The following LRRCC1 variants were observed in gnomAD, a reference collection of about 807,000 sequenced individuals.
LRRCC1 encodes leucine rich repeat and coiled-coil centrosomal protein 1, also known as leucine-rich repeat and coiled-coil domain-containing protein 1.
In LRRCC1, 115 loss-of-function variants were observed where a neutral mutation model predicts 126.0. The observed-to-expected ratio is 0.91, with a 90% CI of 0.78 to 1.07. LRRCC1 has a LOEUF of 1.07. Among genes scored for constraint, LRRCC1 ranks in the 50% least tolerant of loss-of-function variants. LRRCC1 has a pLI of 0.00. For missense variants in LRRCC1, 1,172 were observed against 1,175.7 expected, an observed-to-expected ratio of 1.00 and a Z score of 0.05; for synonymous variants, 400 against 393.4, an observed-to-expected ratio of 1.02 and a Z score of -0.20.
At chr8:85,118,456 T>C (rs1212024168) in intron 6 of LRRCC1, among the ~76,000 whole-genome samples, 1 of 152,086 alleles carries the variant, frequency 6.6e-6, no homozygotes, top group Non-Finnish European at 1.5e-5. Context: ...AATTGATACC[T>C]TTTTTCAAAG....
intron 11 of LRRCC1, among the ~76,000 whole-genome samples, chr8:85,130,717 T>G (rs1212656548): frequency 6.6e-6 from 1 of 152,232 alleles, no homozygotes; most frequent in Non-Finnish European, 1.5e-5. Context: ...ATTAGTAAAT[T>G]AATCAGTATT....
rs550628816 is a variant in LRRCC1, at chr8:85,130,989, A to G, written c.1767-771A>G. ...GTAATAATTTCAACATTTTCAGTTTATCTATTTCAGTTATCTATTTACTAT... is the reference window on the plus strand; with the variant it reads ...GTAATAATTTCAACATTTTCAGTTTGTCTATTTCAGTTATCTATTTACTAT... On this transcript the variant is annotated intron_variant, in intron 11 of 18. Transcript: ENST00000360375. 5.9e-5 allele frequency among the ~76,000 whole-genome samples: 9 copies of G among 152,330 alleles called. No homozygotes were observed. In the East Asian group the frequency reaches 1.7e-3, roughly 29 times the overall value.
At chr8:85,122,691 A>G (rs543607755) in intron 6 of LRRCC1, among the ~76,000 whole-genome samples, 1 of 152,142 alleles carries the variant, frequency 6.6e-6, no homozygotes, top group African/African-American at 2.4e-5. Flanking sequence ...TGCTTATTCA[A>G]ACGTTTGAGT....
chr8:85,120,979 G>C (rs952311485), intron 6 of LRRCC1, among the ~76,000 whole-genome samples: 1 of 152,160 alleles, frequency 6.6e-6, no homozygotes, highest in African/African-American at 2.4e-5. Flanking sequence ...AAGTAGAATT[G>C]CTGGGTCATA....
intron 8 of LRRCC1, among the ~76,000 whole-genome samples, chr8:85,125,692 G>T: frequency 1.4e-5 from 1 of 70,408 alleles, no homozygotes; most frequent in East Asian, 3.0e-4. Context: ...AAAAAAAAGA[G>T]GTGTTCAAAA....
intron 12 of LRRCC1, among the ~76,000 whole-genome samples, chr8:85,133,316 C>T (rs1167255387): frequency 6.6e-6 from 1 of 152,226 alleles, no homozygotes; most frequent in African/African-American, 2.4e-5. Flanking sequence ...CTTGGCTTTC[C>T]ATTACGTCAC....
At chr8:85,113,547 C>T (rs977603147) in intron 4 of LRRCC1, among the ~76,000 whole-genome samples, 2 of 151,926 alleles carry the variant, frequency 1.3e-5, no homozygotes, top group South Asian at 2.1e-4. Flanking sequence ...TACGTACATA[C>T]ATATATATGT....
intron 17 of LRRCC1, among the ~76,000 whole-genome samples, chr8:85,139,646 A>G (rs1193345286): frequency 6.6e-6 from 1 of 152,212 alleles, no homozygotes; most frequent in Non-Finnish European, 1.5e-5. Context: ...GCTCAAGAGG[A>G]AATAAGGTTT....
chr8:85,117,049 A>G (rs16913598), intron 6 of LRRCC1, among the ~76,000 whole-genome samples: 1 of 152,170 alleles, frequency 6.6e-6, no homozygotes, highest in Non-Finnish European at 1.5e-5. Flanking sequence ...TGACTCTTCT[A>G]CCAGTGAAAA....
At position 85,124,862 on chromosome 8, in the gene LRRCC1, A is replaced by G. The variant is rs1809848619; in HGVS notation, c.1195A>G (p.Met399Val). 2 of 1,605,344 alleles carry G rather than the reference A, an allele frequency of 1.2e-6. No homozygotes were observed. The highest frequency in any genetic ancestry group is 1.7e-6 in the Non-Finnish European group (2 of 1,173,862). The part of the protein sequence containing the change: ...YVSSSLANCP[M>V]LQESEKPKTE... Reference sequence around the variant, plus strand: ...AAGCTCATCTTTAGCAAACTGTCCTATGTTACAAGAATCAGAAAAGCCAAA... The same window carrying G: ...AAGCTCATCTTTAGCAAACTGTCCTGTGTTACAAGAATCAGAAAAGCCAAA... Residue 399 changes from methionine to valine, a missense_variant, in exon 8 of 19, where the codon ATG becomes GTG. Transcript: ENST00000360375.
At chr8:85,143,179 G>T (rs930441802) in intron 18 of LRRCC1, among the ~76,000 whole-genome samples, 23 of 152,080 alleles carry the variant, frequency 1.5e-4, no homozygotes, top group Admixed American at 5.2e-4. Flanking sequence ...ACAATTAGCT[G>T]GGCATGGTGG....
intron 17 of LRRCC1, among the ~76,000 whole-genome samples, chr8:85,141,047 C>T (rs1037985536): frequency 4.6e-5 from 7 of 152,038 alleles, no homozygotes; most frequent in Admixed American, 4.6e-4. Flanking sequence ...GCCTGAGTGA[C>T]ACAGCCAGAC....
intron 11 of LRRCC1, among the ~76,000 whole-genome samples, chr8:85,130,532 A>T (rs1363611296): frequency 6.6e-6 from 1 of 152,170 alleles, no homozygotes; most frequent in Non-Finnish European, 1.5e-5. Flanking sequence ...GTATGTATAC[A>T]TTAGAATCAG....
intron 18 of LRRCC1, among the ~76,000 whole-genome samples, chr8:85,144,296 G>C (rs1214043443): frequency 6.6e-6 from 1 of 151,786 alleles, no homozygotes; most frequent in Admixed American, 6.6e-5. Context: ...AGCAGTATAG[G>C]ACTGTAGACA....
chr8:85,132,082 T>C (rs1810512587), intron 12 of LRRCC1, 121 bp downstream of exon 12: 3 of 799,154 alleles, frequency 3.8e-6, no homozygotes, highest in Admixed American at 6.7e-5. Flanking sequence ...AAGTAAAATA[T>C]ATAAATTCTT....
chr8:85,112,310 A>C (rs1233644501), intron 3 of LRRCC1, among the ~76,000 whole-genome samples: 2 of 152,200 alleles, frequency 1.3e-5, no homozygotes, highest in African/African-American at 4.8e-5. Flanking sequence ...ATGATTACAT[A>C]GCTTTTTATA....
At chr8:85,125,060 G>C in intron 8 of LRRCC1, 121 bp downstream of exon 8, 1 of 618,532 alleles carries the variant, frequency 1.6e-6, no homozygotes, top group South Asian at 2.7e-5. Flanking sequence ...GATGAAAATG[G>C]GTTATTTTTT....
intron 17 of LRRCC1, among the ~76,000 whole-genome samples, chr8:85,139,250 G>A (rs1479987564): frequency 6.6e-6 from 1 of 151,982 alleles, no homozygotes; most frequent in Non-Finnish European, 1.5e-5. Flanking sequence ...CACAAGCTGA[G>A]GATGAGAGCC....
chr8:85,129,471 A>G lies in LRRCC1; in HGVS notation c.1626+92A>G, dbSNP rs1587416455. ...AAATTATACTACCTAGAAAACCTAA[A>G]AGATGTAAGGCCATATGCAAAAATT... On this transcript the variant is annotated intron_variant, in intron 10 of 18. Transcript: ENST00000360375. The G allele has an allele frequency of 2.8e-6, 3 of 1,085,830 alleles. No individual in the cohort carries two copies. In the East Asian group the frequency reaches 7.2e-5, roughly 26 times the overall value. The allele number at this position is 1,085,830 out of a possible 1,614,324, so 67.3% of individuals were successfully genotyped here.
Sources: gnomAD v4.1 joint callset for allele counts (sites outside exome capture counted in the v4.1 genomes callset) on GRCh38, gnomAD v4.1.1 for gene constraint, MANE v1.5 for transcripts, NCBI Gene and HGNC (gene_info 2026-07-23, HGNC 2026-07-21) for gene names.